The following CPM variants were observed in gnomAD, a reference collection of about 807,000 sequenced individuals.
CPM encodes carboxypeptidase M.
A neutral mutation model predicts 46.4 loss-of-function variants in CPM; 35 were observed. That is an observed-to-expected ratio of 0.75 (90% CI 0.58 to 1.00). The LOEUF (loss-of-function observed/expected upper bound fraction) is 1.00, where lower values mean the gene tolerates loss of function less well. Ranked by LOEUF, CPM falls within the 50% of genes least tolerant of loss-of-function variation. The probability of loss-of-function intolerance (pLI) is 0.00; values close to 1 mark genes in which losing one functional copy is unlikely to be tolerated. For missense variants in CPM, 422 were observed against 530.4 expected (o/e 0.80, Z 2.01); for synonymous variants, 195 against 195.3 (o/e 1.00, Z 0.01).
chr12:68,891,256 G>A (rs1274802358), intron 2 of CPM, among the ~76,000 whole-genome samples: 2 of 152,230 alleles, frequency 1.3e-5, no homozygotes, highest in African/African-American at 4.8e-5. Context: ...ATTGAATAAT[G>A]AGTGAATCCA....
At chr12:68,945,052 G>A (rs1888824354) in intron 1 of CPM, among the ~76,000 whole-genome samples, 1 of 152,124 alleles carries the variant, frequency 6.6e-6, no homozygotes, top group African/African-American at 2.4e-5. Flanking sequence ...CAGTAGTGAT[G>A]TTATCTATAA....
chr12:68,903,395 G>T (rs1887197510), intron 2 of CPM, among the ~76,000 whole-genome samples: 1 of 152,162 alleles, frequency 6.6e-6, no homozygotes, highest in East Asian at 1.9e-4. Flanking sequence ...TGAACTGTCT[G>T]TCAGAGTAGG....
intron 2 of CPM, among the ~76,000 whole-genome samples, chr12:68,918,970 C>T (rs1273754889): frequency 6.6e-6 from 1 of 152,228 alleles, no homozygotes; most frequent in Admixed American, 6.5e-5. Context: ...TATGCTCTGT[C>T]CCCTGTGTAC....
At chr12:68,927,045 C>G (rs550385540) in intron 2 of CPM, among the ~76,000 whole-genome samples, 220 of 152,104 alleles carry the variant, frequency 1.4e-3, no homozygotes, top group South Asian at 0.01. Context: ...TGTCTTTATA[C>G]CAGCATGATT....
At chr12:68,906,999 C>A (rs1420002550) in intron 2 of CPM, among the ~76,000 whole-genome samples, 1 of 152,228 alleles carries the variant, frequency 6.6e-6, no homozygotes, top group Non-Finnish European at 1.5e-5. Context: ...GAACACATCA[C>A]ATCTTATACC....
At chr12:68,955,425 C>T (rs757249717) in intron 1 of CPM, among the ~76,000 whole-genome samples, 24 of 152,220 alleles carry the variant, frequency 1.6e-4, no homozygotes, top group Non-Finnish European at 3.1e-4. Flanking sequence ...GTTCAGGAGC[C>T]CCCAGGTCTG....
At chr12:68,866,707 T>C (rs900038625) in intron 7 of CPM, 189 bp downstream of exon 7, 9 of 549,106 alleles carry the variant, frequency 1.6e-5, no homozygotes, top group Non-Finnish European at 2.5e-5. Flanking sequence ...TTTCTATGAA[T>C]GAGTGGGCAC....
rs149575881 is a variant in CPM, at chr12:68,843,986, T to C, written c.534-1657A>G. ...ATACTGAAGCTAGAACCAAGCAGAA[T>C]CTGTTTTTTTCTGAGGAGTATCGGT... is the stretch of plus-strand genomic sequence containing the variant. On this transcript the variant is annotated intron_variant, in intron 5 of 5. Coordinates refer to the CPM transcript ENST00000551897. 4.3e-3 allele frequency: 899 copies of C among 207,992 alleles called. 9 individuals carry two copies. The highest frequency in any genetic ancestry group is 0.018 in the African/African-American group (803 of 43,926). The allele number at this position is 207,992 out of a possible 1,614,324, so 12.9% of individuals were successfully genotyped here.
chr12:68,946,853 T>A (rs1888856197), intron 1 of CPM, among the ~76,000 whole-genome samples: 1 of 152,256 alleles, frequency 6.6e-6, no homozygotes, highest in Admixed American at 6.5e-5. Flanking sequence ...ATTTGCTCAC[T>A]GGAGTGTATT....
rs547105880 is a variant in CPM at position 68,871,914 on chromosome 12, C to T, written c.301G>A (p.Val101Ile). ...TCAGGGTCTTTGCCATCACTGGTTACGAGATAGTCAATCAGATGGAGCAGC... is the reference window on the plus strand; with the variant it reads ...TCAGGGTCTTTGCCATCACTGGTTATGAGATAGTCAATCAGATGGAGCAGC... Reference protein sequence around the residue: ...ELLLHLIDYLVTSDGKDPEIT... With the variant: ...ELLLHLIDYLITSDGKDPEIT... Residue 101 changes from valine (V) to isoleucine (I), a missense_variant, in exon 4 of 9, where the codon GTA becomes ATA. Coordinates refer to ENST00000551568, the MANE Select transcript of CPM (RefSeq NM_198320.5). 1.9e-5 allele frequency: 31 copies of T among 1,614,016 alleles called. No homozygotes were observed. Among genetic ancestry groups the T allele is most frequent in the South Asian group, 1.2e-4 (11 of 91,076 alleles).
At chr12:68,859,539 G>A (rs142631506) in intron 7 of CPM, among the ~76,000 whole-genome samples, 5 of 152,166 alleles carry the variant, frequency 3.3e-5, no homozygotes, top group Admixed American at 6.5e-5. Flanking sequence ...TAATCACAAG[G>A]CTTCTTGGAA....
At chr12:68,926,634 C>T (rs954946050) in intron 2 of CPM, among the ~76,000 whole-genome samples, 10 of 151,882 alleles carry the variant, frequency 6.6e-5, no homozygotes, top group Non-Finnish European at 1.0e-4. Context: ...CATATGTATA[C>T]ATGTGCCATG....
rs927229331 is a variant in CPM, at chr12:68,927,818, T to C, written c.160+4860A>G. Among the ~76,000 whole-genome samples the C allele has an allele frequency of 6.6e-5, 10 of 152,282 alleles. No homozygotes were observed. The South Asian group carries it at 8.3e-4, about 13-fold the overall frequency. ...CTAGGAATCCAACTTACAAGGGACA[T>C]GAAGGGCCTCTTCAAGGAGAACTAC... On this transcript the variant is annotated intron_variant, in intron 2 of 8. Transcript: ENST00000551568.
At chr12:68,956,959 C>T (rs543966673) in intron 1 of CPM, among the ~76,000 whole-genome samples, 2 of 152,294 alleles carry the variant, frequency 1.3e-5, no homozygotes, top group South Asian at 2.1e-4. Flanking sequence ...AATCCTCTCA[C>T]AAGTCCTATG....
chr12:68,918,306 T>C (rs1404035305), intron 2 of CPM, among the ~76,000 whole-genome samples: 2 of 152,188 alleles, frequency 1.3e-5, no homozygotes, highest in Non-Finnish European at 2.9e-5. Flanking sequence ...ATTATTTTAT[T>C]AGTCCTGCAG....
chr12:68,936,489 T>G (rs995672136), upstream of CPM, among the ~76,000 whole-genome samples: 1 of 152,152 alleles, frequency 6.6e-6, no homozygotes, highest in South Asian at 2.1e-4. Flanking sequence ...GTTCAAGCAA[T>G]TCTCCTTCCT....
At chr12:68,902,269 T>C (rs1887146495) in intron 2 of CPM, among the ~76,000 whole-genome samples, 2 of 152,226 alleles carry the variant, frequency 1.3e-5, no homozygotes, top group Non-Finnish European at 2.9e-5. Context: ...TGAAATTTGC[T>C]GTACCTGCTG....
At chr12:68,875,736 T>C (rs942647492) in intron 3 of CPM, among the ~76,000 whole-genome samples, 16 of 149,688 alleles carry the variant, frequency 1.1e-4, no homozygotes, top group African/African-American at 3.7e-4. Context: ...AACCTGGGAG[T>C]TGGAGGTTGC....
chr12:68,869,482 T>A lies in CPM; in HGVS notation c.630A>T (p.Leu210Phe), dbSNP rs1238770439. The part of the protein sequence containing the change: ...FDNGVQATGA[L>F]YSRSLTPDDD... ...CATCAGGCGTTAAGCTTCGGGAGTA[T>A]AATGCCCCAGTTGCTGCATTTAAAA... is the stretch of plus-strand genomic sequence containing the variant. Residue 210 changes from leucine to phenylalanine, a missense_variant, in exon 6 of 9, where the codon TTA (leucine) becomes TTT (phenylalanine). Coordinates refer to ENST00000551568, the MANE Select transcript of CPM (RefSeq NM_198320.5). The A allele has an allele frequency of 6.2e-7, 1 of 1,605,944 alleles. No individual in the cohort carries two copies. The highest frequency in any genetic ancestry group is 1.1e-5 in the South Asian group (1 of 90,260).
Sources: allele counts gnomAD v4.1 joint callset (sites outside exome capture counted in the v4.1 genomes callset), GRCh38; gene constraint gnomAD v4.1.1; transcripts MANE v1.5; gene names NCBI Gene and HGNC (gene_info 2026-07-23, HGNC 2026-07-21).